ZNF334: variants seen among roughly 807,000 people sequenced by gnomAD.
ZNF334 encodes the protein zinc finger protein 334.
Under a neutral mutation model 12.4 loss-of-function variants are expected in ZNF334, and 14 were observed. That is an observed-to-expected ratio of 1.13 (90% CI 0.74 to 1.76). The LOEUF (loss-of-function observed/expected upper bound fraction) is 1.76. ZNF334 is among the 40% of genes most tolerant of loss of function. The probability of loss-of-function intolerance (pLI) is 0.00; values close to 1 mark genes in which losing one functional copy is unlikely to be tolerated. For missense variants in ZNF334, 797 were observed against 804.5 expected (o/e 0.99, Z 0.11); for synonymous variants, 273 against 269.6 (o/e 1.01, Z -0.12).
chr20:46,495,126 C>G (rs1198286035), downstream of ZNF334, among the ~76,000 whole-genome samples: 2 of 152,004 alleles, frequency 1.3e-5, no homozygotes, highest in Non-Finnish European at 2.9e-5. Flanking sequence ...TCAATTTAGG[C>G]TCAAAATATC....
At chr20:46,508,189 G>C (rs1402263858) in intron 2 of ZNF334, among the ~76,000 whole-genome samples, 1 of 152,210 alleles carries the variant, frequency 6.6e-6, no homozygotes, top group Non-Finnish European at 1.5e-5. Flanking sequence ...GTAGAATGAT[G>C]ATCCATTCAG....
At position 46,502,568 on chromosome 20, in the gene ZNF334, T is replaced by A. The variant is rs767535903; in HGVS notation, c.771A>T (p.Arg257Ser). 2.5e-5 allele frequency: 40 copies of A among 1,613,846 alleles called. No homozygotes were observed. The highest frequency in any genetic ancestry group is 2.9e-5 in the Non-Finnish European group (34 of 1,179,972). ...SKRSTLIVHQRIHTGEKPYVC... is the reference protein window; with the variant it reads ...SKRSTLIVHQSIHTGEKPYVC... The stretch of plus-strand genomic sequence containing the variant: ...CATACGGTTTCTCCCCTGTATGAAT[T>A]CTCTGATGTACAATGAGGGTAGATC... Residue 257 changes from arginine (R) to serine (S), a missense_variant, in exon 5 of 5, where the codon AGA (arginine) becomes AGT (serine). Transcript: ENST00000692313.
At chr20:46,469,959 G>A in the ZNF334 span, among the ~76,000 whole-genome samples, 5 of 152,050 alleles carry the variant, frequency 3.3e-5, no homozygotes, top group African/African-American at 9.7e-5. Context: ...CCCTTGGCTG[G>A]TGACTTCTCA....
At chr20:46,464,468 TC>T in the ZNF334 span, 1 of 517,890 alleles carries the variant, frequency 1.9e-6, no homozygotes. Context: ...ACAGACCACC[TC>T]CATGCAGATC....
chr20:46,477,539 G>A, the ZNF334 span, among the ~76,000 whole-genome samples: 1 of 152,152 alleles, frequency 6.6e-6, no homozygotes, highest in African/African-American at 2.4e-5. Flanking sequence ...GTCTTGCTAT[G>A]TTGCCCAGGA....
chr20:46,506,353 TG>T, intron 2 of ZNF334: 1 of 637,406 alleles, frequency 1.6e-6, no homozygotes, highest in Non-Finnish European at 2.8e-6. Context: ...TGGCCAGGTG[TG>T]GTGGCGCACA....
chr20:46,510,032 T>C (rs1353500637), intron 2 of ZNF334, among the ~76,000 whole-genome samples: 1 of 152,112 alleles, frequency 6.6e-6, no homozygotes, highest in Non-Finnish European at 1.5e-5. Context: ...CACACACAAT[T>C]GTTTGATCAA....
At chr20:46,484,220 A>C in the ZNF334 span, among the ~76,000 whole-genome samples, 1 of 152,188 alleles carries the variant, frequency 6.6e-6, no homozygotes, top group African/African-American at 2.4e-5. Flanking sequence ...GACTCAGCCA[A>C]GCATGAACAC....
chr20:46,488,240 AT>A, the ZNF334 span, among the ~76,000 whole-genome samples: 256 of 137,510 alleles, frequency 1.9e-3, no homozygotes, highest in East Asian at 2.5e-3. Flanking sequence ...TTTTGGATTG[AT>A]TTTTTTTTTT....
chr20:46,497,913 C>A (rs1236272157), downstream of ZNF334, among the ~76,000 whole-genome samples: 1 of 152,232 alleles, frequency 6.6e-6, no homozygotes, highest in African/African-American at 2.4e-5. Flanking sequence ...CCCCCTTACA[C>A]ATAGATTCCG....
chr20:46,501,187 C>T lies in ZNF334; in HGVS notation c.*109G>A. On this transcript the variant is annotated 3_prime_UTR_variant, in exon 5 of 5. Transcript: ENST00000692313. ...GTTGACTTATGGCAGAAAAATTTTC[C>T]ATATTCATTACATTTATAAGATTTT... The T allele has an allele frequency of 7.0e-7, 1 of 1,423,136 alleles. No individual in the cohort carries two copies. The allele number at this position is 1,423,136 out of a possible 1,614,324, so 88.2% of individuals were successfully genotyped here.
At chr20:46,464,681 G>T in the ZNF334 span, 349 of 426,928 alleles carry the variant, frequency 8.2e-4, 1 homozygote, top group East Asian at 0.016. Flanking sequence ...GCAGCCTAGG[G>T]GCAAAGCAGC....
At chr20:46,504,590 G>T (rs2061365420) in intron 3 of ZNF334, 24 bp downstream of exon 3, 2 of 1,570,786 alleles carry the variant, frequency 1.3e-6, no homozygotes, top group South Asian at 2.4e-5. Context: ...GCTCTTGGGA[G>T]TTGTACAGGG....
chr20:46,473,118 C>T, the ZNF334 span, among the ~76,000 whole-genome samples: 3 of 152,172 alleles, frequency 2.0e-5, no homozygotes, highest in Non-Finnish European at 2.9e-5. Context: ...CTTTTATTGG[C>T]ATAAATTGTT....
At chr20:46,473,824 A>G in the ZNF334 span, among the ~76,000 whole-genome samples, 1 of 152,338 alleles carries the variant, frequency 6.6e-6, no homozygotes, top group African/African-American at 2.4e-5. Flanking sequence ...ACTTTATGTG[A>G]GCATGTTTTA....
chr20:46,485,892 AC>A, the ZNF334 span, among the ~76,000 whole-genome samples: 1 of 151,984 alleles, frequency 6.6e-6, no homozygotes. Context: ...CTCCTCTCCT[AC>A]CCCCAAAATA....
the ZNF334 span, among the ~76,000 whole-genome samples, chr20:46,462,827 G>T: frequency 6.6e-6 from 1 of 152,220 alleles, no homozygotes; most frequent in Non-Finnish European, 1.5e-5. Flanking sequence ...TCTATGCAGG[G>T]ATGAGAGGCT....
intron 2 of ZNF334, chr20:46,509,651 G>A (rs1329151929): frequency 2.8e-6 from 2 of 703,016 alleles, no homozygotes; most frequent in Non-Finnish European, 5.2e-6. Context: ...CACCCACGGT[G>A]AGTTAACTTG....
chr20:46,493,097 A>C, the ZNF334 span, among the ~76,000 whole-genome samples: 2 of 151,010 alleles, frequency 1.3e-5, no homozygotes, highest in African/African-American at 5.0e-5. Context: ...TTAGAAAAAA[A>C]AAAAAAAACT....
Sources: allele counts gnomAD v4.1 joint callset (sites outside exome capture counted in the v4.1 genomes callset), GRCh38; gene constraint gnomAD v4.1.1; transcripts MANE v1.5; gene names NCBI Gene and HGNC (gene_info 2026-07-23, HGNC 2026-07-21).